TOM1L2: variants seen among roughly 807,000 people sequenced by gnomAD.
TOM1L2 encodes the protein target of myb1 like 2 membrane trafficking protein, also known as TOM1-like protein 2.
In TOM1L2, 31 loss-of-function variants were observed where a neutral mutation model predicts 67.9. The observed-to-expected ratio is 0.46, with a 90% CI of 0.34 to 0.62. The LOEUF is 0.62. Ranked by LOEUF, TOM1L2 falls within the 20% of genes least tolerant of loss-of-function variation. The pLI, the probability that TOM1L2 is intolerant of heterozygous loss-of-function variation, is 0.01. For missense variants in TOM1L2, 606 were observed against 663.5 expected (o/e 0.91, Z 0.95); for synonymous variants, 256 against 254.0 (o/e 1.01, Z -0.07).
intron 1 of TOM1L2, among the ~76,000 whole-genome samples, chr17:17,926,417 G>C (rs977618533): frequency 2.0e-5 from 3 of 152,096 alleles, no homozygotes; most frequent in Non-Finnish European, 4.4e-5. Flanking sequence ...CTGGCACAAG[G>C]GGAGATGCGG....
intron 12 of TOM1L2, among the ~76,000 whole-genome samples, chr17:17,855,657 G>C (rs77075870): frequency 0.014 from 2,079 of 152,292 alleles, 41 homozygotes; most frequent in African/African-American, 0.047. Context: ...AGGAGCATAA[G>C]GGTTCCAACA....
chr17:17,862,018 C>A (rs1009344130), intron 11 of TOM1L2: 1 of 159,566 alleles, frequency 6.3e-6, no homozygotes, highest in Non-Finnish European at 1.4e-5. Context: ...TCTCCGACTC[C>A]TTTAGCTATA....
At chr17:17,871,667 T>C (rs916815352) in intron 7 of TOM1L2, among the ~76,000 whole-genome samples, 3 of 152,000 alleles carry the variant, frequency 2.0e-5, no homozygotes, top group African/African-American at 7.3e-5. Context: ...TGAGACCCTG[T>C]CTCCAAAAAA....
intron 1 of TOM1L2, among the ~76,000 whole-genome samples, chr17:17,913,365 C>T: frequency 1.3e-5 from 2 of 151,024 alleles, no homozygotes; most frequent in African/African-American, 4.9e-5. Context: ...AGTTGCCAGC[C>T]TAGGCTGGGC....
chr17:17,927,278 A>G (rs991095115), intron 1 of TOM1L2, among the ~76,000 whole-genome samples: 7 of 152,242 alleles, frequency 4.6e-5, no homozygotes, highest in Non-Finnish European at 8.8e-5. Context: ...TCAAGCTGGT[A>G]TGTGGATAAA....
intron 1 of TOM1L2, among the ~76,000 whole-genome samples, chr17:17,948,110 C>T (rs898394618): frequency 7.9e-5 from 12 of 152,220 alleles, no homozygotes; most frequent in African/African-American, 2.9e-4. Context: ...CATTAAATGA[C>T]TGTATCATGA....
At chr17:17,927,147 AAC>A (rs1862599575) in intron 1 of TOM1L2, among the ~76,000 whole-genome samples, 1 of 152,226 alleles carries the variant, frequency 6.6e-6, no homozygotes, top group Admixed American at 6.5e-5. Context: ...TAGAAAAATA[AAC>A]ACAGTATCTA....
intron 7 of TOM1L2, among the ~76,000 whole-genome samples, chr17:17,871,716 C>T (rs557316338): frequency 2.0e-5 from 3 of 152,108 alleles, no homozygotes; most frequent in Non-Finnish European, 2.9e-5. Flanking sequence ...TCTTGGTCCC[C>T]GCAAATTACC....
In TOM1L2 at chr17:17,903,048, C is replaced by T. The variant is rs1486628678; in HGVS notation, c.138-4374G>A. Among the ~76,000 whole-genome samples, 3 of 152,128 alleles carry T rather than the reference C, an allele frequency of 2.0e-5. No homozygotes were observed. The East Asian group carries it at 5.8e-4, about 29-fold the overall frequency. On this transcript the variant is annotated intron_variant, in intron 2 of 14. Transcript: ENST00000379504. ...CCACCTGCCTCATCTGGCTGATACCCTGGCACTCTGTAAGACTCCAGTCTG... is the reference window on the plus strand; with the variant it reads ...CCACCTGCCTCATCTGGCTGATACCTTGGCACTCTGTAAGACTCCAGTCTG...
chr17:17,866,855 G>A, intron 9 of TOM1L2, 21 bp downstream of exon 9: 1 of 1,612,776 alleles, frequency 6.2e-7, no homozygotes, highest in South Asian at 1.1e-5. Flanking sequence ...GGAGATGACA[G>A]GATTCTGAAG....
At chr17:17,903,855 C>T (rs1487489398) in intron 2 of TOM1L2, among the ~76,000 whole-genome samples, 1 of 149,492 alleles carries the variant, frequency 6.7e-6, no homozygotes, top group South Asian at 2.2e-4. Context: ...CAGTGAATGA[C>T]GGGATCTACT....
At chr17:17,882,677 T>C in intron 6 of TOM1L2, 28 bp downstream of exon 6, 2 of 1,606,590 alleles carry the variant, frequency 1.2e-6, no homozygotes, top group Non-Finnish European at 1.7e-6. Flanking sequence ...TCAGCTGGCT[T>C]GCCTATGGCC....
intron 1 of TOM1L2, among the ~76,000 whole-genome samples, chr17:17,942,082 T>TA (rs1233083122): frequency 6.6e-6 from 1 of 152,210 alleles, no homozygotes; most frequent in Non-Finnish European, 1.5e-5. Flanking sequence ...TTATGAGAAC[T>TA]AACAGCTCCT....
chr17:17,857,270 G>GT (rs1168158775), intron 12 of TOM1L2, among the ~76,000 whole-genome samples: 1 of 152,166 alleles, frequency 6.6e-6, no homozygotes, highest in Non-Finnish European at 1.5e-5. Flanking sequence ...TCTTCAAGAG[G>GT]TTTCAAATCA....
At chr17:17,950,563 T>A (rs1211737612) in intron 1 of TOM1L2, among the ~76,000 whole-genome samples, 1 of 152,102 alleles carries the variant, frequency 6.6e-6, no homozygotes, top group African/African-American at 2.4e-5. Flanking sequence ...GCTGTTCCAA[T>A]ACTTTGTATG....
At chr17:17,929,424 G>A (rs1395000080) in intron 1 of TOM1L2, among the ~76,000 whole-genome samples, 1 of 152,148 alleles carries the variant, frequency 6.6e-6, no homozygotes, top group Non-Finnish European at 1.5e-5. Flanking sequence ...CTGAGATCGG[G>A]AGTTCCAGAC....
chr17:17,963,014 T>A (rs1214174886), intron 1 of TOM1L2, among the ~76,000 whole-genome samples: 4 of 151,968 alleles, frequency 2.6e-5, no homozygotes, highest in South Asian at 2.1e-4. Context: ...GTTTTTTTTT[T>A]AAAGAATAAA....
intron 1 of TOM1L2, among the ~76,000 whole-genome samples, chr17:17,930,971 A>G (rs1009403395): frequency 1.3e-5 from 2 of 152,242 alleles, no homozygotes; most frequent in African/African-American, 4.8e-5. Flanking sequence ...ACTCATATTA[A>G]GGAATAATGA....
At chr17:17,933,611 G>A (rs1358492818) in intron 1 of TOM1L2, among the ~76,000 whole-genome samples, 1 of 152,000 alleles carries the variant, frequency 6.6e-6, no homozygotes, top group Non-Finnish European at 1.5e-5. Context: ...TCATTTTGAG[G>A]GCCACCACCA....
Sources: gnomAD v4.1 joint callset for allele counts (sites outside exome capture counted in the v4.1 genomes callset) on GRCh38, gnomAD v4.1.1 for gene constraint, MANE v1.5 for transcripts, NCBI Gene and HGNC (gene_info 2026-07-23, HGNC 2026-07-21) for gene names.